The following LRP1B variants were observed in gnomAD, a reference collection of about 807,000 sequenced individuals.
The protein encoded by LRP1B is LDL receptor related protein 1B.
Under a neutral mutation model 556.6 loss-of-function variants are expected in LRP1B, and 217 were observed. The observed-to-expected ratio is 0.39, with a 90% confidence interval of 0.35 to 0.44. The LOEUF (loss-of-function observed/expected upper bound fraction) is 0.44. Among genes scored for constraint, LRP1B ranks in the 20% least tolerant of loss-of-function variants. The probability of loss-of-function intolerance (pLI) is 1.00; values close to 1 mark genes in which losing one functional copy is unlikely to be tolerated. For missense variants in LRP1B, 5,053 were observed against 5,620.8 expected, an observed-to-expected ratio of 0.90 and a Z score of 3.23; for synonymous variants, 2,047 against 1,865.8, an observed-to-expected ratio of 1.10 and a Z score of -2.50.
intron 2 of LRP1B, among the ~76,000 whole-genome samples, chr2:141,761,258 T>A (rs1375341221): frequency 6.6e-6 from 1 of 152,126 alleles, no homozygotes; most frequent in Admixed American, 6.5e-5. Context: ...GGTCAGTGTG[T>A]TTGGGAAGAA....
intron 35 of LRP1B, among the ~76,000 whole-genome samples, chr2:140,719,714 C>T (rs1040900334): frequency 1.2e-4 from 18 of 152,138 alleles, no homozygotes; most frequent in Admixed American, 7.2e-4. Context: ...GAGATCACAG[C>T]ATTGAGGAAC....
At chr2:141,368,346 A>G (rs1214541664) in intron 3 of LRP1B, among the ~76,000 whole-genome samples, 3 of 152,074 alleles carry the variant, frequency 2.0e-5, no homozygotes, top group Non-Finnish European at 4.4e-5. Context: ...TTGCTGGGAG[A>G]AAAAAACAAG....
At chr2:140,353,175 C>T in intron 75 of LRP1B, 103 bp from the exon 76 acceptor site, 1 of 1,122,600 alleles carries the variant, frequency 8.9e-7, no homozygotes, top group Non-Finnish European at 1.3e-6. Context: ...TTATTACTAG[C>T]TTTATTGTCC....
chr2:140,817,459 C>T lies in LRP1B; in HGVS notation c.5210-3653G>A, dbSNP rs559768424. ...TTCTAACATTCCTTATTATCAGTCC[C>T]GAATTTTCCTTTATATATTACTTTA... is the stretch of plus-strand genomic sequence containing the variant. On this transcript the variant is annotated intron_variant, in intron 31 of 90. Coordinates refer to ENST00000389484, the MANE Select transcript of LRP1B (RefSeq NM_018557.3). Among the ~76,000 whole-genome samples the T allele has an allele frequency of 1.3e-4, 20 of 151,716 alleles. 1 individual carries two copies. The highest frequency in any genetic ancestry group is 1.0e-3 in the South Asian group (5 of 4,786).
At chr2:141,065,891 G>A (rs1699468805) in intron 7 of LRP1B, among the ~76,000 whole-genome samples, 1 of 151,844 alleles carries the variant, frequency 6.6e-6, no homozygotes, top group South Asian at 2.1e-4. Context: ...AAAACTCATG[G>A]TAGATTGTGG....
intron 3 of LRP1B, among the ~76,000 whole-genome samples, chr2:141,380,467 A>G (rs900284911): frequency 6.6e-6 from 1 of 152,136 alleles, no homozygotes; most frequent in Non-Finnish European, 1.5e-5. Flanking sequence ...CAAGCCTTCA[A>G]CTTCTCCTAA....
intron 3 of LRP1B, among the ~76,000 whole-genome samples, chr2:141,395,953 A>G (rs938896501): frequency 1.1e-4 from 16 of 152,294 alleles, no homozygotes; most frequent in Non-Finnish European, 2.1e-4. Context: ...TGTTGCATAC[A>G]TCAACATTTA....
intron 2 of LRP1B, among the ~76,000 whole-genome samples, chr2:141,802,915 T>C (rs1696054180): frequency 6.6e-6 from 1 of 152,052 alleles, no homozygotes; most frequent in Admixed American, 6.6e-5. Context: ...CCCTGTAGAG[T>C]CCTGCAAGAT....
chr2:140,682,201 G>A (rs1685883064), intron 41 of LRP1B, among the ~76,000 whole-genome samples: 1 of 152,144 alleles, frequency 6.6e-6, no homozygotes, highest in African/African-American at 2.4e-5. Context: ...TACTCTGTGA[G>A]GCTTCTTTCA....
rs747779885 is a variant in LRP1B at position 140,601,644 on chromosome 2, T to A, written c.6800-5A>T. ...GTCCTTCCACAGAACCCACATCTAG[T>A]GGGGGAAGAAAAAGAAAAAATATAT... On this transcript the variant is annotated splice_region_variant and splice_polypyrimidine_tract_variant and intron_variant, in intron 41 of 90. Coordinates refer to ENST00000389484, the MANE Select transcript of LRP1B (RefSeq NM_018557.3). The A allele has an allele frequency of 1.9e-6, 3 of 1,553,604 alleles. No individual in the cohort carries two copies. Among genetic ancestry groups the A allele is most frequent in the African/African-American group, 1.4e-5 (1 of 73,400 alleles).
At position 140,948,135 on chromosome 2, in the gene LRP1B, C is replaced by A. The variant is rs1430704485; in HGVS notation, c.3136+2100G>T. Among the ~76,000 whole-genome samples, 3 of 152,024 alleles carry A rather than the reference C, an allele frequency of 2.0e-5. No individual in the cohort carries two copies. In the East Asian group the frequency reaches 5.8e-4, roughly 29 times the overall value. The stretch of plus-strand genomic sequence containing the variant: ...GATCGTTTAAACTTAGTGATAAATG[C>A]ACATGCAAGAGAAGGATGTGAGCTC... On this transcript the variant is annotated intron_variant, in intron 20 of 90. Transcript: ENST00000389484.
chr2:141,962,746 A>C (rs1558989678), intron 1 of LRP1B, among the ~76,000 whole-genome samples: 1 of 151,856 alleles, frequency 6.6e-6, no homozygotes, highest in Admixed American at 6.6e-5. Context: ...TTAAACTGCA[A>C]GCTAAAAAAT....
chr2:141,996,961 A>G (rs925932948), intron 1 of LRP1B, among the ~76,000 whole-genome samples: 1 of 152,174 alleles, frequency 6.6e-6, no homozygotes, highest in African/African-American at 2.4e-5. Context: ...ATCAAATTGT[A>G]TAGGTTTCTT....
At chr2:141,301,947 C>T (rs1456080476) in intron 3 of LRP1B, among the ~76,000 whole-genome samples, 1 of 152,038 alleles carries the variant, frequency 6.6e-6, no homozygotes, top group African/African-American at 2.4e-5. Context: ...ACATTAGTCC[C>T]TTAGCTTGTG....
chr2:141,704,569 C>G (rs1454118436), intron 2 of LRP1B, among the ~76,000 whole-genome samples: 3 of 151,912 alleles, frequency 2.0e-5, no homozygotes, highest in Non-Finnish European at 2.9e-5. Context: ...CAGTGCAGCC[C>G]CACGTCTTCT....
intron 46 of LRP1B, among the ~76,000 whole-genome samples, chr2:140,536,215 C>G (rs933936088): frequency 6.9e-6 from 1 of 144,916 alleles, no homozygotes; most frequent in African/African-American, 2.6e-5. Context: ...TCACGGAGTG[C>G]TGTTATCCTA....
At chr2:141,181,436 A>T (rs1452350025) in intron 7 of LRP1B, among the ~76,000 whole-genome samples, 1 of 151,974 alleles carries the variant, frequency 6.6e-6, no homozygotes, top group Non-Finnish European at 1.5e-5. Flanking sequence ...CAGAGAAGAA[A>T]TCCTTATAGG....
chr2:140,457,699 A>T, intron 60 of LRP1B, 48 bp from the exon 61 acceptor site: 1 of 1,450,636 alleles, frequency 6.9e-7, no homozygotes, highest in Non-Finnish European at 9.7e-7. Flanking sequence ...GAAGACTGCC[A>T]GTTAAAATAT....
intron 48 of LRP1B, 66 bp from the exon 49 acceptor site, chr2:140,526,059 G>C (rs921788000): frequency 1.3e-6 from 2 of 1,514,472 alleles, no homozygotes; most frequent in South Asian, 2.3e-5. Context: ...CTTCTATGTA[G>C]GTCATAGAGA....
Sources: gnomAD v4.1 joint callset for allele counts (sites outside exome capture counted in the v4.1 genomes callset) on GRCh38, gnomAD v4.1.1 for gene constraint, MANE v1.5 for transcripts, NCBI Gene and HGNC (gene_info 2026-07-23, HGNC 2026-07-21) for gene names.